Variants in LRRIQ1 observed in about 807,000 individuals in gnomAD.
LRRIQ1 encodes the protein leucine rich repeats and IQ motif containing 1, also known as leucine-rich repeat- and IQ domain-containing protein 1.
In LRRIQ1, 210 loss-of-function variants were observed where a neutral mutation model predicts 211.9. The ratio of observed to expected loss-of-function variants is 0.99; its 90% CI spans 0.89 to 1.11. The LOEUF (loss-of-function observed/expected upper bound fraction) is 1.11, where lower values mean the gene tolerates loss of function less well. LRRIQ1 is among the 50% of genes most tolerant of loss of function. The probability of loss-of-function intolerance (pLI) is 0.00; values close to 1 mark genes in which losing one functional copy is unlikely to be tolerated. For synonymous variants in LRRIQ1, 699 were observed against 650.1 expected (o/e 1.08, Z -1.14); for missense variants, 2,136 against 1,939.5 (o/e 1.10, Z -1.90).
intron 24 of LRRIQ1, among the ~76,000 whole-genome samples, chr12:85,216,486 A>G (rs1379402755): frequency 1.3e-5 from 2 of 150,272 alleles, no homozygotes; most frequent in Non-Finnish European, 3.0e-5. Flanking sequence ...ATTAATTTAC[A>G]TATAATTTAA....
chr12:85,191,029 A>G (rs1451895659), intron 24 of LRRIQ1, among the ~76,000 whole-genome samples: 4 of 151,928 alleles, frequency 2.6e-5, no homozygotes, highest in Non-Finnish European at 4.4e-5. Flanking sequence ...TTTTAAATAG[A>G]CTCTATATTT....
chr12:85,195,320 T>C (rs1892838714), intron 24 of LRRIQ1, among the ~76,000 whole-genome samples: 2 of 152,084 alleles, frequency 1.3e-5, no homozygotes, highest in African/African-American at 2.4e-5. Context: ...CTAACTCATT[T>C]TATGAGGCCA....
intron 24 of LRRIQ1, among the ~76,000 whole-genome samples, chr12:85,180,547 T>G (rs144822758): frequency 3.3e-5 from 5 of 152,018 alleles, no homozygotes; most frequent in African/African-American, 1.2e-4. Context: ...TAGGTTTGAA[T>G]TTTAACTCTG....
rs566081572 is a variant in LRRIQ1, at chr12:85,045,379, T to C, written c.336+570T>C. ...ATCCAGCTTTCTCTCCTTTTACCTA[T>C]TTCTCCTCCCTAATGTGTTTAACAT... On this transcript the variant is annotated intron_variant, in intron 4 of 26. Transcript: ENST00000393217. 2.6e-5 allele frequency among the ~76,000 whole-genome samples: 4 copies of C among 152,012 alleles called. No homozygotes were observed. In the South Asian group the frequency reaches 8.3e-4, roughly 31 times the overall value.
intron 24 of LRRIQ1, among the ~76,000 whole-genome samples, chr12:85,190,148 T>C (rs1892430072): frequency 7.0e-6 from 1 of 143,420 alleles, no homozygotes; most frequent in African/African-American, 2.5e-5. Flanking sequence ...ATATATAATA[T>C]AGTAATATAA....
intron 26 of LRRIQ1, among the ~76,000 whole-genome samples, chr12:85,241,978 G>A (rs1593016580): frequency 6.6e-6 from 1 of 151,948 alleles, no homozygotes. Flanking sequence ...ATGTACATCC[G>A]TCATTTCATT....
chr12:85,178,061 AATT>A (rs1305460671), intron 24 of LRRIQ1, among the ~76,000 whole-genome samples: 1 of 152,136 alleles, frequency 6.6e-6, no homozygotes, highest in South Asian at 2.1e-4. Flanking sequence ...ATATGACAGC[AATT>A]ATTATTTTTA....
chr12:85,126,220 G>GT (rs1381233209), intron 17 of LRRIQ1, among the ~76,000 whole-genome samples: 2 of 152,042 alleles, frequency 1.3e-5, no homozygotes, highest in African/African-American at 2.4e-5. Context: ...TCTACCTTCT[G>GT]TTTTTGTTTT....
intron 1 of LRRIQ1, among the ~76,000 whole-genome samples, chr12:85,257,480 G>A (rs763428623): frequency 6.6e-6 from 1 of 151,250 alleles, no homozygotes; most frequent in African/African-American, 2.4e-5. Context: ...ACTGTGTGCA[G>A]TAGAAAATGT....
At chr12:85,095,418 A>C (rs934718932) in intron 11 of LRRIQ1, among the ~76,000 whole-genome samples, 2 of 152,160 alleles carry the variant, frequency 1.3e-5, no homozygotes, top group Non-Finnish European at 2.9e-5. Flanking sequence ...AATTACATTT[A>C]TTGATTTGCA....
At chr12:85,204,191 C>T (rs1893430830) in intron 24 of LRRIQ1, among the ~76,000 whole-genome samples, 1 of 152,154 alleles carries the variant, frequency 6.6e-6, no homozygotes, top group South Asian at 2.1e-4. Flanking sequence ...TGGTGTTGAT[C>T]CTGCAAGTGC....
intron 24 of LRRIQ1, among the ~76,000 whole-genome samples, chr12:85,197,996 A>G (rs1405054604): frequency 1.7e-5 from 1 of 59,464 alleles, no homozygotes; most frequent in East Asian, 3.5e-4. Flanking sequence ...TATATATTAT[A>G]TATAACATAT....
At chr12:85,111,279 ACC>A (rs1285647889) in intron 15 of LRRIQ1, among the ~76,000 whole-genome samples, 1 of 152,014 alleles carries the variant, frequency 6.6e-6, no homozygotes, top group Non-Finnish European at 1.5e-5. Context: ...CTGACATATA[ACC>A]ACTCTGCTTT....
intron 24 of LRRIQ1, among the ~76,000 whole-genome samples, chr12:85,209,541 TA>T (rs1010230446): frequency 6.6e-6 from 1 of 152,164 alleles, no homozygotes; most frequent in East Asian, 1.9e-4. Context: ...CTCTTTATTT[TA>T]AAAAAATGCA....
Position 85,176,763 on chromosome 12 carries a change from A to T in LRRIQ1, c.4822+16049A>T, listed in dbSNP as rs202047061. ...ATAATAAAAAATAAAAAAAAATTTT[A>T]AAAAAAATAAGAATTTTAGATGGGT... On this transcript the variant is annotated intron_variant, in intron 24 of 26. Coordinates refer to ENST00000393217, the MANE Select transcript of LRRIQ1 (RefSeq NM_001079910.2). 1.8e-3 allele frequency among the ~76,000 whole-genome samples: 268 copies of T among 151,956 alleles called. 7 individuals are homozygous for T. The East Asian group carries it at 0.032, about 18-fold the overall frequency.
At chr12:85,260,578 G>A (rs1318074918) in intron 1 of LRRIQ1, among the ~76,000 whole-genome samples, 1 of 151,980 alleles carries the variant, frequency 6.6e-6, no homozygotes, top group East Asian at 1.9e-4. Flanking sequence ...AAATTGTAAA[G>A]TTACTTCATT....
intron 11 of LRRIQ1, among the ~76,000 whole-genome samples, chr12:85,089,815 A>G (rs890972318): frequency 2.0e-5 from 3 of 152,262 alleles, no homozygotes; most frequent in Admixed American, 6.5e-5. Context: ...TAGAGAAAGA[A>G]AAAAGCTTTT....
At chr12:85,191,963 T>A (rs757806986) in intron 24 of LRRIQ1, among the ~76,000 whole-genome samples, 14 of 151,790 alleles carry the variant, frequency 9.2e-5, no homozygotes, top group Non-Finnish European at 1.8e-4. Flanking sequence ...TTTAATGGGG[T>A]TGTTCGTTTT....
chr12:85,162,639 G>C (rs1468451769), intron 24 of LRRIQ1: 1 of 404,068 alleles, frequency 2.5e-6, no homozygotes, highest in Non-Finnish European at 4.8e-6. Context: ...ATTGTGTACT[G>C]GTATAAAATA....
Sources: gnomAD v4.1 joint callset for allele counts (sites outside exome capture counted in the v4.1 genomes callset) on GRCh38, gnomAD v4.1.1 for gene constraint, MANE v1.5 for transcripts, NCBI Gene and HGNC (gene_info 2026-07-23, HGNC 2026-07-21) for gene names.